The following SPAG16 variants were observed in gnomAD, a reference collection of about 807,000 sequenced individuals.
SPAG16 encodes the protein sperm-associated antigen 16 protein.
SPAG16 carries 86 observed loss-of-function variants against 80.4 expected under a neutral mutation model. The observed-to-expected ratio is 1.07, with a 90% CI of 0.90 to 1.28. The LOEUF (loss-of-function observed/expected upper bound fraction) is 1.28. Ranked by LOEUF, SPAG16 falls within the 50% of genes most tolerant of loss-of-function variation. The pLI, the probability that SPAG16 is intolerant of heterozygous loss-of-function variation, is 0.00. For synonymous variants in SPAG16, 294 were observed against 265.9 expected (o/e 1.11, Z -1.03); for missense variants, 870 against 765.3 (o/e 1.14, Z -1.61).
intron 11 of SPAG16, among the ~76,000 whole-genome samples, chr2:213,888,735 G>A (rs1407485869): frequency 6.6e-6 from 1 of 151,752 alleles, no homozygotes; most frequent in African/African-American, 2.4e-5. Flanking sequence ...TCAGGTAACT[G>A]AGTGGAAAGA....
chr2:214,000,146 G>T (rs1351401472), intron 12 of SPAG16, among the ~76,000 whole-genome samples: 1 of 152,074 alleles, frequency 6.6e-6, no homozygotes, highest in Non-Finnish European at 1.5e-5. Flanking sequence ...ATATGGTTTG[G>T]CTCTGTGTCC....
At chr2:214,091,077 T>C (rs1306758359) in intron 13 of SPAG16, among the ~76,000 whole-genome samples, 1 of 152,038 alleles carries the variant, frequency 6.6e-6, no homozygotes, top group Non-Finnish European at 1.5e-5. Flanking sequence ...CTGTGATACA[T>C]AAAAACAAAA....
intron 9 of SPAG16, among the ~76,000 whole-genome samples, chr2:213,432,614 A>T (rs2070375769): frequency 6.6e-6 from 1 of 152,158 alleles, no homozygotes; most frequent in Admixed American, 6.5e-5. Context: ...ATCTCCCAAC[A>T]AATAAAAGCC....
intron 1 of SPAG16, among the ~76,000 whole-genome samples, chr2:213,293,435 G>A (rs1320785900): frequency 1.3e-5 from 2 of 152,186 alleles, no homozygotes; most frequent in South Asian, 2.1e-4. Context: ...GAAATGATGT[G>A]TGACTTCTGA....
intron 9 of SPAG16, among the ~76,000 whole-genome samples, chr2:213,452,233 T>C (rs2071742037): frequency 1.3e-5 from 2 of 152,130 alleles, no homozygotes; most frequent in African/African-American, 4.8e-5. Context: ...CTGCTTTTTG[T>C]TAGAAAGAAA....
rs778689045 is a variant in SPAG16 at position 214,012,288 on chromosome 2, A to AT, written c.1401-1642dup. 1.8e-3 allele frequency among the ~76,000 whole-genome samples: 82 copies of AT among 46,804 alleles called. 4 individuals are homozygous for AT. The highest frequency in any genetic ancestry group is 0.017 in the East Asian group (25 of 1,506). The allele number at this position is 46,804 out of a possible 152,430, so 30.7% of individuals were successfully genotyped here. On this transcript the variant is annotated intron_variant, in intron 12 of 15. Transcript: ENST00000331683. ...TATATATATATATATATATATATAT[A>AT]TTTTTTTTTTTTTTTTTTTTTCCTC...
At chr2:213,462,973 G>T (rs980871513) in intron 9 of SPAG16, among the ~76,000 whole-genome samples, 1 of 152,156 alleles carries the variant, frequency 6.6e-6, no homozygotes, top group Non-Finnish European at 1.5e-5. Flanking sequence ...ACAAAGATTT[G>T]GGAAAGTTTG....
At chr2:213,523,120 G>A (rs2125855678) in intron 10 of SPAG16, among the ~76,000 whole-genome samples, 1 of 152,230 alleles carries the variant, frequency 6.6e-6, no homozygotes, top group East Asian at 1.9e-4. Flanking sequence ...CATGTCATGG[G>A]AGGGACCCAG....
intron 15 of SPAG16, among the ~76,000 whole-genome samples, chr2:214,355,747 A>G (rs1414503032): frequency 3.3e-5 from 5 of 152,000 alleles, no homozygotes; most frequent in African/African-American, 1.2e-4. Context: ...GGCACTATTC[A>G]CAATAGCAAA....
At chr2:213,505,704 CT>C (rs1559200879) in intron 10 of SPAG16, among the ~76,000 whole-genome samples, 1 of 151,992 alleles carries the variant, frequency 6.6e-6, no homozygotes, top group South Asian at 2.1e-4. Context: ...GCATGCTCCC[CT>C]TTACTTCACT....
At chr2:213,717,857 A>G (rs2066305263) in intron 10 of SPAG16, among the ~76,000 whole-genome samples, 1 of 152,146 alleles carries the variant, frequency 6.6e-6, no homozygotes, top group African/African-American at 2.4e-5. Context: ...ATTTTACAAA[A>G]TGGGGTTTTA....
intron 9 of SPAG16, 43 bp from the exon 10 acceptor site, chr2:213,489,920 T>G: frequency 6.6e-7 from 1 of 1,513,150 alleles, no homozygotes. Flanking sequence ...GTGCAGTGAT[T>G]TTGATATTTA....
At chr2:213,498,156 G>A (rs923260258) in intron 10 of SPAG16, among the ~76,000 whole-genome samples, 8 of 152,102 alleles carry the variant, frequency 5.3e-5, no homozygotes, top group Non-Finnish European at 1.2e-4. Context: ...GCAAGACATG[G>A]TGAAGTATGA....
chr2:213,801,576 A>G (rs908410149), intron 10 of SPAG16, among the ~76,000 whole-genome samples: 2 of 152,254 alleles, frequency 1.3e-5, no homozygotes, highest in African/African-American at 4.8e-5. Flanking sequence ...CAAGCCAAGT[A>G]GACCTATGTG....
intron 10 of SPAG16, among the ~76,000 whole-genome samples, chr2:213,860,454 T>G (rs532635152): frequency 1.6e-5 from 2 of 123,392 alleles, no homozygotes; most frequent in South Asian, 2.8e-4. Flanking sequence ...TATATGTATA[T>G]ATATACAGAT....
chr2:213,804,363 G>A (rs2071607787), intron 10 of SPAG16, among the ~76,000 whole-genome samples: 1 of 152,104 alleles, frequency 6.6e-6, no homozygotes, highest in South Asian at 2.1e-4. Flanking sequence ...ATGGGCAAGG[G>A]GTAAGTAAGG....
In SPAG16 at chr2:214,262,318, A is replaced by C. The variant is rs138548552; in HGVS notation, c.1720+113052A>C. ...TTTTTTGAACGAGTTTTTATGTTTAAAAATGTGCCATATTTGTAGGGTCTC... is the reference window on the plus strand; with the variant it reads ...TTTTTTGAACGAGTTTTTATGTTTACAAATGTGCCATATTTGTAGGGTCTC... On this transcript the variant is annotated intron_variant, in intron 15 of 15. Transcript: ENST00000331683. 5.7e-4 allele frequency among the ~76,000 whole-genome samples: 87 copies of C among 152,248 alleles called. 1 individual carries two copies. The Middle Eastern group carries it at 0.01, about 18-fold the overall frequency.
chr2:214,157,070 A>T (rs2056247007), intron 15 of SPAG16, among the ~76,000 whole-genome samples: 1 of 152,106 alleles, frequency 6.6e-6, no homozygotes, highest in South Asian at 2.1e-4. Context: ...GTTCTTAAGT[A>T]GAATTTGGGC....
intron 10 of SPAG16, among the ~76,000 whole-genome samples, chr2:213,726,036 C>T (rs918369117): frequency 2.0e-5 from 3 of 152,184 alleles, no homozygotes; most frequent in African/African-American, 4.8e-5. Context: ...GCTCTGCCCA[C>T]GTTCCCTTAC....
Sources: gnomAD v4.1 joint callset for allele counts (sites outside exome capture counted in the v4.1 genomes callset) on GRCh38, gnomAD v4.1.1 for gene constraint, MANE v1.5 for transcripts, NCBI Gene and HGNC (gene_info 2026-07-23, HGNC 2026-07-21) for gene names.